Variants in IL10RB observed in about 807,000 individuals in gnomAD.
The protein encoded by IL10RB is interleukin 10 receptor subunit beta.
A neutral mutation model predicts 38.7 loss-of-function variants in IL10RB; 30 were observed. The ratio of observed to expected loss-of-function variants is 0.78; its 90% CI spans 0.58 to 1.05. The LOEUF (loss-of-function observed/expected upper bound fraction) is 1.05. IL10RB is among the 50% of genes least tolerant of loss of function. The probability of loss-of-function intolerance (pLI) is 0.00; values close to 1 mark genes in which losing one functional copy is unlikely to be tolerated. For synonymous variants in IL10RB, 142 were observed against 145.9 expected (o/e 0.97, Z 0.19); for missense variants, 328 against 397.1 (o/e 0.83, Z 1.48).
chr21:33,275,225 G>A (rs2843986), intron 2 of IL10RB, among the ~76,000 whole-genome samples: 98,334 of 148,592 alleles, frequency 0.66, 32,581 homozygotes, highest in East Asian at 0.72. Context: ...ACACAATCTC[G>A]GCTTATTGCA....
At chr21:33,291,619 A>G (rs1274195991) in intron 6 of IL10RB, among the ~76,000 whole-genome samples, 1 of 152,186 alleles carries the variant, frequency 6.6e-6, no homozygotes, top group Non-Finnish European at 1.5e-5. Flanking sequence ...ATCCTCTACC[A>G]GGAGAGAAAA....
intron 5 of IL10RB, 39 bp from the exon 6 acceptor site, chr21:33,288,065 C>A (rs908668444): frequency 6.2e-7 from 1 of 1,604,936 alleles, no homozygotes; most frequent in East Asian, 2.2e-5. Flanking sequence ...TGTGACCCGA[C>A]CTGTGACAAG....
downstream of IL10RB, among the ~76,000 whole-genome samples, chr21:33,299,785 A>G (rs1325864889): frequency 3.3e-5 from 5 of 152,224 alleles, no homozygotes; most frequent in African/African-American, 7.2e-5. Flanking sequence ...GTTTGCAGTC[A>G]AGGTGGAGAA....
chr21:33,268,441 A>G lies in IL10RB; in HGVS notation c.97A>G (p.Asn33Asp), dbSNP rs764032266. 6.2e-7 allele frequency: 1 copy of G among 1,614,110 alleles called. No individual in the cohort carries two copies. Among genetic ancestry groups the G allele is most frequent in the South Asian group, 1.1e-5 (1 of 91,088 alleles). ...PPENVRMNSV[N>D]FKNILQWESP... ...CGAAAATGTCAGAATGAATTCTGTT[A>G]ATTTCAAGAACATTCTACAGTGGGA... Residue 33 changes from asparagine (N) to aspartate (D), a missense_variant, in exon 2 of 7, where the codon AAT becomes GAT. Transcript: ENST00000290200.
rs1217329570 is a variant in IL10RB at position 33,283,154 on chromosome 21, T to TA, written c.560dup (p.Tyr187Ter). Residue 187 changes from tyrosine (Y) to a stop codon, truncating the protein, a stop_gained and frameshift_variant, in exon 5 of 7, where the codon TAT (tyrosine) becomes TAAT (stop). Coordinates refer to ENST00000290200, the MANE Select transcript of IL10RB (RefSeq NM_000628.5). LOFTEE classifies it high-confidence loss of function. ...CAGAAACCTGGAGCCATGGACAACT[T>TA]ATTGTGTTCAAGTTCGAGGGTTTCT... ...VLRNLEPWTT[Y>*]CVQVRGFLPD... The TA allele has an allele frequency of 1.2e-6, 2 of 1,613,848 alleles. No homozygotes were observed. Among genetic ancestry groups the TA allele is most frequent in the Non-Finnish European group, 1.7e-6 (2 of 1,179,842 alleles).
intron 2 of IL10RB, among the ~76,000 whole-genome samples, chr21:33,274,772 A>G (rs1419471023): frequency 6.6e-6 from 1 of 152,214 alleles, no homozygotes; most frequent in African/African-American, 2.4e-5. Context: ...CAGGCAGAGT[A>G]GATTTGGCAT....
At chr21:33,288,346 C>A in intron 6 of IL10RB, 85 bp downstream of exon 6, 1 of 1,180,942 alleles carries the variant, frequency 8.5e-7, no homozygotes, top group Non-Finnish European at 1.3e-6. Context: ...CAATTCCAGA[C>A]AACATGTTTT....
chr21:33,308,515 T>C (rs950411270), intron 1 of IL10RB: 2 of 152,204 alleles, frequency 1.3e-5, no homozygotes, highest in African/African-American at 2.4e-5. Flanking sequence ...GATGAGGACA[T>C]CTATAGAAGT....
chr21:33,298,373 G>A (rs866191643), downstream of IL10RB, among the ~76,000 whole-genome samples: 10 of 152,176 alleles, frequency 6.6e-5, no homozygotes, highest in South Asian at 4.1e-4. Context: ...CAGCACTTTC[G>A]GAGGCTGAGG....
chr21:33,298,338 G>T (rs192795522), downstream of IL10RB, among the ~76,000 whole-genome samples: 24 of 152,252 alleles, frequency 1.6e-4, no homozygotes, highest in African/African-American at 4.8e-4. Flanking sequence ...ATTTGGCCGG[G>T]TGTGGTGGCT....
chr21:33,288,411 G>A lies in IL10RB; in HGVS notation c.804+150G>A, dbSNP rs530505455. 186 of 690,548 alleles carry A rather than the reference G, an allele frequency of 2.7e-4. No homozygotes were observed. The East Asian group carries it at 3.9e-3, about 14-fold the overall frequency. 42.8% of individuals were successfully genotyped at this position (690,548 alleles called of 1,614,324 possible). A position where few individuals can be genotyped will look rare whatever the true frequency, so the allele number is the denominator to read the frequency against. The stretch of plus-strand genomic sequence containing the variant: ...CACACACACACACACACACAGACAC[G>A]CCTCTTGTGTGCTGGTCCATTCTCT... On this transcript the variant is annotated intron_variant, in intron 6 of 6. Transcript: ENST00000290200.
chr21:33,283,474 G>A (rs1480965297), intron 5 of IL10RB, among the ~76,000 whole-genome samples: 1 of 152,198 alleles, frequency 6.6e-6, no homozygotes, highest in African/African-American at 2.4e-5. Flanking sequence ...TCTGTCTGGT[G>A]GAGCGAGGTC....
In IL10RB at chr21:33,293,775, C is replaced by G. The variant is rs543663361; in HGVS notation, c.805-2409C>G. ...TGAGCAGAGATCGCGCCACCGCACT[C>G]CAGCCTGGGCGACAGAGTGAGACTC... On this transcript the variant is annotated intron_variant, in intron 6 of 6. Transcript: ENST00000290200. 3.1e-4 allele frequency among the ~76,000 whole-genome samples: 46 copies of G among 150,234 alleles called. No individual in the cohort carries two copies. The East Asian group carries it at 7.5e-3, about 24-fold the overall frequency.
chr21:33,298,556 A>G (rs954856057), downstream of IL10RB, among the ~76,000 whole-genome samples: 13 of 152,158 alleles, frequency 8.5e-5, no homozygotes, highest in East Asian at 1.9e-4. Flanking sequence ...GGAGGCTGCA[A>G]TGAGCCAAGA....
At chr21:33,278,450 A>G (rs1989219490) in intron 3 of IL10RB, among the ~76,000 whole-genome samples, 1 of 152,248 alleles carries the variant, frequency 6.6e-6, no homozygotes, top group Non-Finnish European at 1.5e-5. Flanking sequence ...CAAAGGAAAG[A>G]TGAACAGAAA....
chr21:33,296,103 G>A (rs1601839486), intron 6 of IL10RB, 81 bp from the exon 7 acceptor site: 1 of 972,958 alleles, frequency 1.0e-6, no homozygotes, highest in East Asian at 2.4e-5. Context: ...TTCCAGCCAG[G>A]AGTTCTGTGA....
At chr21:33,272,697 C>T (rs997199847) in intron 2 of IL10RB, among the ~76,000 whole-genome samples, 13 of 152,212 alleles carry the variant, frequency 8.5e-5, no homozygotes, top group Admixed American at 5.9e-4. Context: ...TCCTCTGCCT[C>T]GGCCTCCCAG....
chr21:33,301,968 A>G (rs867662102), downstream of IL10RB, among the ~76,000 whole-genome samples: 1 of 152,184 alleles, frequency 6.6e-6, no homozygotes, highest in Non-Finnish European at 1.5e-5. Flanking sequence ...GACAGTGCCA[A>G]TGACCTGCTT....
chr21:33,268,171 T>C, intron 1 of IL10RB: 1 of 1,413,254 alleles, frequency 7.1e-7, no homozygotes, highest in African/African-American at 1.4e-5. Flanking sequence ...AAGGCTCCTT[T>C]GTCTGTCCCC....
Sources: allele counts gnomAD v4.1 joint callset (sites outside exome capture counted in the v4.1 genomes callset), GRCh38; gene constraint gnomAD v4.1.1; transcripts MANE v1.5; gene names NCBI Gene and HGNC (gene_info 2026-07-23, HGNC 2026-07-21).